AATF: variants seen among roughly 807,000 people sequenced by gnomAD.
The protein encoded by AATF is apoptosis antagonizing transcription factor, also known as protein AATF.
Under a neutral mutation model 63.7 loss-of-function variants are expected in AATF, and 48 were observed. The observed-to-expected ratio is 0.75, with a 90% CI of 0.60 to 0.96. The LOEUF is 0.96. AATF is among the 40% of genes least tolerant of loss of function. The probability of loss-of-function intolerance (pLI) is 0.00; values close to 1 mark genes in which losing one functional copy is unlikely to be tolerated. For synonymous variants in AATF, 258 were observed against 247.7 expected (o/e 1.04, Z -0.39); for missense variants, 639 against 685.7 (o/e 0.93, Z 0.76).
intron 10 of AATF, among the ~76,000 whole-genome samples, chr17:37,028,383 G>A (rs576621063): frequency 2.6e-5 from 4 of 152,060 alleles, no homozygotes; most frequent in Admixed American, 1.3e-4. Context: ...GTAGTGAGCC[G>A]TGATCGCACA....
At chr17:36,979,781 T>C (rs752425557) in intron 4 of AATF, among the ~76,000 whole-genome samples, 7 of 152,222 alleles carry the variant, frequency 4.6e-5, no homozygotes, top group African/African-American at 7.2e-5. Flanking sequence ...TAATGAACTG[T>C]GTGTCCATGC....
chr17:37,018,976 T>A, intron 8 of AATF, 29 bp from the exon 9 acceptor site: 1 of 1,598,590 alleles, frequency 6.3e-7, no homozygotes, highest in Non-Finnish European at 8.6e-7. Context: ...AGATGATAAA[T>A]AAATTCGTTG....
intron 4 of AATF, among the ~76,000 whole-genome samples, chr17:36,968,440 A>G (rs1382801528): frequency 6.6e-6 from 1 of 150,834 alleles, no homozygotes; most frequent in Non-Finnish European, 1.5e-5. Flanking sequence ...ACGCCTAACT[A>G]ATTCTTTGTA....
At chr17:36,991,720 G>A (rs920483196) in intron 8 of AATF, among the ~76,000 whole-genome samples, 3 of 151,946 alleles carry the variant, frequency 2.0e-5, no homozygotes, top group African/African-American at 7.3e-5. Context: ...CGAGTAGCTG[G>A]GACTACAGGC....
intron 2 of AATF, among the ~76,000 whole-genome samples, chr17:36,951,859 G>A (rs192633060): frequency 1.9e-3 from 287 of 152,260 alleles, no homozygotes; most frequent in Non-Finnish European, 3.1e-3. Context: ...GACCTGTCAC[G>A]CTTTCCTAAA....
At chr17:36,999,382 CTGT>C (rs1229987509) in intron 8 of AATF, among the ~76,000 whole-genome samples, 1 of 152,138 alleles carries the variant, frequency 6.6e-6, no homozygotes, top group Non-Finnish European at 1.5e-5. Context: ...CTGCATGTGG[CTGT>C]TTAGATTTAA....
intron 9 of AATF, 113 bp downstream of exon 9, chr17:37,019,185 T>A: frequency 2.4e-6 from 2 of 837,980 alleles, no homozygotes; most frequent in Non-Finnish European, 3.9e-6. Context: ...TTATTGAAGT[T>A]AAGCAAGTAA....
At chr17:37,001,369 AG>A (rs2142263374) in intron 8 of AATF, among the ~76,000 whole-genome samples, 1 of 133,006 alleles carries the variant, frequency 7.5e-6, no homozygotes, top group East Asian at 2.5e-4. Context: ...AAAGAGAGAG[AG>A]GGGAGAGAGA....
intron 8 of AATF, among the ~76,000 whole-genome samples, chr17:37,013,617 A>G (rs932775968): frequency 1.5e-5 from 2 of 133,436 alleles, no homozygotes; most frequent in African/African-American, 7.6e-5. Flanking sequence ...CCCCACAACC[A>G]AGGGAGGACT....
intron 4 of AATF, among the ~76,000 whole-genome samples, chr17:36,958,075 G>T (rs1306057921): frequency 1.3e-5 from 2 of 152,148 alleles, no homozygotes; most frequent in Non-Finnish European, 2.9e-5. Flanking sequence ...TGCATAAGTG[G>T]TAAGTCATGG....
In AATF at chr17:36,990,955, T is replaced by C. The variant is rs978743844; in HGVS notation, c.1398+98T>C. 2.1e-5 allele frequency: 18 copies of C among 861,362 alleles called. No individual in the cohort carries two copies. The East Asian group carries it at 2.9e-4, about 14-fold the overall frequency. 53.4% of individuals were successfully genotyped at this position (861,362 alleles called of 1,614,324 possible). On this transcript the variant is annotated intron_variant, in intron 8 of 11. Transcript: ENST00000619387. ...AAAGAAGTTGCTTATTTTGGAAGGA[T>C]AGAGTCAGACAGTGAGTTAGAACTC...
chr17:37,037,966 G>A (rs575958517), intron 11 of AATF, among the ~76,000 whole-genome samples: 19 of 152,102 alleles, frequency 1.2e-4, no homozygotes, highest in African/African-American at 3.1e-4. Flanking sequence ...CTCCCCCTTC[G>A]CCTTCTGCCA....
At chr17:37,036,076 C>T (rs1366899289) in intron 11 of AATF, among the ~76,000 whole-genome samples, 10 of 152,152 alleles carry the variant, frequency 6.6e-5, no homozygotes, top group Non-Finnish European at 1.3e-4. Context: ...AGATGCACAC[C>T]ACCACACTCC....
intron 4 of AATF, among the ~76,000 whole-genome samples, chr17:36,957,163 A>AAGTCAG (rs1196815770): frequency 6.6e-6 from 1 of 152,214 alleles, no homozygotes; most frequent in Admixed American, 6.5e-5. Flanking sequence ...AGAGTAGTTA[A>AAGTCAG]AGTCAGACCG....
chr17:36,965,701 T>G (rs1010906177), intron 4 of AATF, among the ~76,000 whole-genome samples: 7 of 152,088 alleles, frequency 4.6e-5, no homozygotes, highest in African/African-American at 1.4e-4. Flanking sequence ...TATTTTTTCT[T>G]GTATTTTTAT....
intron 8 of AATF, among the ~76,000 whole-genome samples, chr17:37,001,456 A>AAAG (rs1491404103): frequency 2.9e-5 from 2 of 69,522 alleles, no homozygotes; most frequent in South Asian, 4.9e-4. Flanking sequence ...AGGAAGGAAG[A>AAAG]AAAAAAAAAA....
At chr17:36,991,389 G>C (rs984737025) in intron 8 of AATF, among the ~76,000 whole-genome samples, 3 of 152,168 alleles carry the variant, frequency 2.0e-5, no homozygotes, top group African/African-American at 4.8e-5. Context: ...TGAAGACAGA[G>C]AGAATTGGTA....
chr17:36,961,327 A>G (rs1459031625), intron 4 of AATF, among the ~76,000 whole-genome samples: 1 of 152,238 alleles, frequency 6.6e-6, no homozygotes, highest in African/African-American at 2.4e-5. Flanking sequence ...AGCACTGTCC[A>G]GTAGAAATAT....
rs2071193490 is a variant in AATF at position 36,989,177 on chromosome 17, G to A, written c.1150-70G>A. 4 of 1,491,018 alleles carry A rather than the reference G, an allele frequency of 2.7e-6. No individual in the cohort carries two copies. In the East Asian group the frequency reaches 7.0e-5, roughly 26 times the overall value. The allele number at this position is 1,491,018 out of a possible 1,614,324, so 92.4% of individuals were successfully genotyped here. A position where few individuals can be genotyped will look rare whatever the true frequency, so the allele number is the denominator to read the frequency against. Reference sequence around the variant, plus strand: ...ATCTCTCTGCTGACACAGAAAGATAGAGAAACCAATGTAGCTTGCCTTCAG... The same window carrying A: ...ATCTCTCTGCTGACACAGAAAGATAAAGAAACCAATGTAGCTTGCCTTCAG... On this transcript the variant is annotated intron_variant, in intron 6 of 11. Transcript: ENST00000619387.
Sources: allele counts gnomAD v4.1 joint callset (sites outside exome capture counted in the v4.1 genomes callset), GRCh38; gene constraint gnomAD v4.1.1; transcripts MANE v1.5; gene names NCBI Gene and HGNC (gene_info 2026-07-23, HGNC 2026-07-21).